Variants in NRXN3 observed in about 807,000 individuals in gnomAD.
NRXN3 encodes neurexin III.
NRXN3 carries 32 observed loss-of-function variants against 137.6 expected under a neutral mutation model. The observed-to-expected ratio is 0.23, with a 90% CI of 0.18 to 0.31. NRXN3 has a LOEUF of 0.31. Among genes scored for constraint, NRXN3 ranks in the 10% least tolerant of loss-of-function variants. NRXN3 has a pLI of 1.00. For missense variants in NRXN3, 1,574 were observed against 2,062.5 expected, an observed-to-expected ratio of 0.76 and a Z score of 4.59; for synonymous variants, 798 against 784.5, an observed-to-expected ratio of 1.02 and a Z score of -0.29.
At chr14:78,338,668 C>T (rs532142047) in intron 4 of NRXN3, among the ~76,000 whole-genome samples, 3 of 152,266 alleles carry the variant, frequency 2.0e-5, no homozygotes, top group South Asian at 4.1e-4. Flanking sequence ...TGCTGCACAA[C>T]GAAGTGATGG....
chr14:78,612,510 G>C (rs528028146), intron 4 of NRXN3, among the ~76,000 whole-genome samples: 1 of 152,260 alleles, frequency 6.6e-6, no homozygotes, highest in East Asian at 1.9e-4. Flanking sequence ...TTTTTAACCT[G>C]GGATCTCTGA....
chr14:79,496,818 G>A (rs746416651), intron 16 of NRXN3, among the ~76,000 whole-genome samples: 4 of 152,194 alleles, frequency 2.6e-5, no homozygotes, highest in Non-Finnish European at 5.9e-5. Context: ...GCTAGGTCCT[G>A]GAGACCCAAA....
chr14:79,331,107 G>A (rs2153321277), intron 15 of NRXN3, among the ~76,000 whole-genome samples: 1 of 152,272 alleles, frequency 6.6e-6, no homozygotes, highest in African/African-American at 2.4e-5. Context: ...AACATCCTTT[G>A]TGATAATGAA....
At chr14:79,458,749 T>C (rs1330478716) in intron 15 of NRXN3, among the ~76,000 whole-genome samples, 1 of 152,204 alleles carries the variant, frequency 6.6e-6, no homozygotes, top group Non-Finnish European at 1.5e-5. Flanking sequence ...TTAAGTTGGC[T>C]GTGAGTTAAT....
intron 15 of NRXN3, among the ~76,000 whole-genome samples, chr14:79,125,188 C>T (rs1049265880): frequency 5.9e-5 from 9 of 152,194 alleles, no homozygotes; most frequent in African/African-American, 2.2e-4. Context: ...GATCTCGACT[C>T]AACATCTCCT....
chr14:79,078,221 G>A (rs2046306799), intron 15 of NRXN3, among the ~76,000 whole-genome samples: 1 of 152,080 alleles, frequency 6.6e-6, no homozygotes, highest in Admixed American at 6.6e-5. Flanking sequence ...AGCCATAAAG[G>A]TCTTTTTGTC....
chr14:79,573,080 C>T (rs1201883337), intron 16 of NRXN3: 2 of 152,152 alleles, frequency 1.3e-5, no homozygotes, highest in Non-Finnish European at 2.9e-5. Context: ...ATCTTCTCCC[C>T]TGTGAGAAAT....
chr14:79,244,588 T>C (rs1293500489), intron 15 of NRXN3, among the ~76,000 whole-genome samples: 2 of 152,100 alleles, frequency 1.3e-5, no homozygotes, highest in Admixed American at 6.6e-5. Flanking sequence ...TTCAGTGTAA[T>C]TGATAGGAGC....
intron 6 of NRXN3, among the ~76,000 whole-genome samples, chr14:78,688,259 C>T (rs951047831): frequency 3.9e-5 from 6 of 152,022 alleles, no homozygotes; most frequent in Non-Finnish European, 8.8e-5. Flanking sequence ...AAAGACAGAA[C>T]ATGAGGGCTC....
At chr14:78,972,728 C>T (rs1036835131) in intron 14 of NRXN3, among the ~76,000 whole-genome samples, 6 of 152,176 alleles carry the variant, frequency 3.9e-5, no homozygotes, top group Non-Finnish European at 5.9e-5. Context: ...CCCATCTTTG[C>T]TGTCTCTGGT....
At chr14:78,648,235 G>T (rs996004792) in intron 5 of NRXN3, among the ~76,000 whole-genome samples, 3 of 152,176 alleles carry the variant, frequency 2.0e-5, no homozygotes, top group Non-Finnish European at 4.4e-5. Flanking sequence ...GGTGGTAATT[G>T]GTCCTTGACA....
At chr14:78,963,798 T>A (rs1254533615) in intron 11 of NRXN3, among the ~76,000 whole-genome samples, 1 of 152,212 alleles carries the variant, frequency 6.6e-6, no homozygotes, top group Non-Finnish European at 1.5e-5. Context: ...ATTTTATTTT[T>A]ATTTTTTTAG....
At chr14:78,910,600 C>T (rs2152778932) in intron 10 of NRXN3, among the ~76,000 whole-genome samples, 1 of 152,138 alleles carries the variant, frequency 6.6e-6, no homozygotes, top group South Asian at 2.1e-4. Context: ...AAAAAAGCCT[C>T]CCTGACTGCT....
At chr14:79,436,883 A>G (rs1600266620) in intron 15 of NRXN3, among the ~76,000 whole-genome samples, 1 of 151,964 alleles carries the variant, frequency 6.6e-6, no homozygotes, top group African/African-American at 2.4e-5. Context: ...TCCGTTATCT[A>G]CCTCCAGGCT....
chr14:79,376,141 T>C (rs1362718876), intron 15 of NRXN3, among the ~76,000 whole-genome samples: 5 of 146,066 alleles, frequency 3.4e-5, no homozygotes, highest in African/African-American at 1.3e-4. Context: ...TTATATATGG[T>C]ATATGGTATA....
chr14:79,679,028 T>G (rs28682438), intron 17 of NRXN3, among the ~76,000 whole-genome samples: 57,905 of 151,784 alleles, frequency 0.38, 13,358 homozygotes, highest in African/African-American at 0.65. Context: ...CAAGATAATA[T>G]ATCTGATTTC....
chr14:79,418,695 C>T (rs1446856824), intron 15 of NRXN3, among the ~76,000 whole-genome samples: 2 of 152,196 alleles, frequency 1.3e-5, no homozygotes, highest in Non-Finnish European at 2.9e-5. Flanking sequence ...TTAAGAAGTT[C>T]ATAGCCGTCA....
intron 8 of NRXN3, among the ~76,000 whole-genome samples, chr14:78,784,874 G>A (rs971507374): frequency 6.6e-5 from 10 of 152,112 alleles, no homozygotes; most frequent in African/African-American, 2.4e-4. Flanking sequence ...AGCAGCCTGA[G>A]CAAAGTCACA....
At chr14:79,276,621 C>G (rs146576618) in intron 15 of NRXN3, among the ~76,000 whole-genome samples, 287 of 151,792 alleles carry the variant, frequency 1.9e-3, no homozygotes, top group African/African-American at 6.7e-3. Context: ...TCTTTATTGC[C>G]TAGCAGAGAA....
Sources: gnomAD v4.1 joint callset for allele counts (sites outside exome capture counted in the v4.1 genomes callset) on GRCh38, gnomAD v4.1.1 for gene constraint, MANE v1.5 for transcripts, NCBI Gene and HGNC (gene_info 2026-07-23, HGNC 2026-07-21) for gene names.